Variants in ADORA2B observed in about 807,000 individuals in gnomAD.
The protein encoded by ADORA2B is adenosine A2b receptor, also known as adenosine receptor A2b.
In ADORA2B, 18 loss-of-function variants were observed where a neutral mutation model predicts 20.8. The ratio of observed to expected loss-of-function variants is 0.87; its 90% confidence interval spans 0.60 to 1.29. ADORA2B has a LOEUF of 1.29. ADORA2B is among the 50% of genes most tolerant of loss of function. The pLI, the probability that ADORA2B is intolerant of heterozygous loss-of-function variation, is 0.00. For synonymous variants in ADORA2B, 179 were observed against 178.3 expected (o/e 1.00, Z -0.03); for missense variants, 441 against 422.7 (o/e 1.04, Z -0.38).
the ADORA2B span, among the ~76,000 whole-genome samples, chr17:15,926,864 A>C: frequency 6.6e-6 from 1 of 152,148 alleles, no homozygotes; most frequent in Admixed American, 6.6e-5. Context: ...TCAGCTACTC[A>C]GGAGGCCAAG....
chr17:15,966,271 C>T (rs966619051), intron 1 of ADORA2B, among the ~76,000 whole-genome samples: 2 of 152,238 alleles, frequency 1.3e-5, no homozygotes, highest in African/African-American at 4.8e-5. Context: ...ATCTGCATTT[C>T]TAAAGTGCTT....
At chr17:15,887,882 C>G in the ADORA2B span, among the ~76,000 whole-genome samples, 1 of 99,730 alleles carries the variant, frequency 1.0e-5, no homozygotes, top group Non-Finnish European at 1.9e-5. Context: ...ACCCGGGAGG[C>G]GGAGCTTGCA....
rs1400571935 is a variant in ADORA2B, at chr17:15,975,422, A to G, written c.*80A>G. On this transcript the variant is annotated 3_prime_UTR_variant, in exon 2 of 2. Transcript: ENST00000304222. ...ACACGGCTGGTTTTCATTGTGAAAG[A>G]TAGCTACACCTCACAAGGAAATGGA... 7.0e-7 allele frequency: 1 copy of G among 1,431,388 alleles called. No individual in the cohort carries two copies. Among genetic ancestry groups the G allele is most frequent in the African/African-American group, 1.4e-5 (1 of 70,566 alleles). The allele number at this position is 1,431,388 out of a possible 1,614,324, so 88.7% of individuals were successfully genotyped here.
In ADORA2B at chr17:15,963,884, A is replaced by C. The variant is rs537946335; in HGVS notation, c.336-10795A>C. Among the ~76,000 whole-genome samples the C allele has an allele frequency of 2.0e-5, 3 of 152,326 alleles. No homozygotes were observed. In the East Asian group the frequency reaches 5.8e-4, roughly 29 times the overall value. ...TGGCATCTCTCCCAGCCACCTTCAC[A>C]TAAGACAGTGGGCTCAGCTCAGGCC... On this transcript the variant is annotated intron_variant, in intron 1 of 1. Transcript: ENST00000304222.
intron 1 of ADORA2B, among the ~76,000 whole-genome samples, chr17:15,959,897 G>T (rs1567780567): frequency 6.6e-6 from 1 of 152,146 alleles, no homozygotes; most frequent in Non-Finnish European, 1.5e-5. Context: ...AAAAATCCAG[G>T]TTCTATTAAA....
intron 1 of ADORA2B, among the ~76,000 whole-genome samples, chr17:15,947,056 G>T (rs566233905): frequency 9.2e-5 from 14 of 152,274 alleles, no homozygotes; most frequent in South Asian, 4.1e-4. Flanking sequence ...AGGGCTGTGA[G>T]CCTTATGTGG....
At chr17:15,854,332 C>T in the ADORA2B span, among the ~76,000 whole-genome samples, 1 of 152,046 alleles carries the variant, frequency 6.6e-6, no homozygotes, top group South Asian at 2.1e-4. Context: ...CTGAAACCAA[C>T]CACAGTTAAT....
At chr17:15,895,281 G>A in the ADORA2B span, among the ~76,000 whole-genome samples, 3 of 152,020 alleles carry the variant, frequency 2.0e-5, no homozygotes, top group Non-Finnish European at 2.9e-5. Context: ...CATGCCTATC[G>A]AATTTGACAC....
the ADORA2B span, among the ~76,000 whole-genome samples, chr17:15,937,136 A>C: frequency 1.3e-5 from 2 of 152,212 alleles, no homozygotes; most frequent in African/African-American, 4.8e-5. Flanking sequence ...CACAACATTT[A>C]AAATAATACA....
chr17:15,918,154 T>C, the ADORA2B span, among the ~76,000 whole-genome samples: 2 of 152,162 alleles, frequency 1.3e-5, no homozygotes, highest in Non-Finnish European at 2.9e-5. Flanking sequence ...GTGTCCTCAC[T>C]TGGACAGAGG....
At chr17:15,907,267 T>A in the ADORA2B span, among the ~76,000 whole-genome samples, 19 of 152,266 alleles carry the variant, frequency 1.2e-4, no homozygotes, top group African/African-American at 4.6e-4. Context: ...TTCACTCCTT[T>A]CCCACACCTT....
the ADORA2B span, among the ~76,000 whole-genome samples, chr17:15,874,924 CA>C: frequency 6.6e-6 from 1 of 152,106 alleles, no homozygotes; most frequent in Non-Finnish European, 1.5e-5. Flanking sequence ...TACACATTCC[CA>C]ATACTGGATA....
At position 15,956,905 on chromosome 17, in the gene ADORA2B, G is replaced by A. The variant is rs8074961; in HGVS notation, c.335+11322G>A. Among the ~76,000 whole-genome samples, 1,208 of 152,200 alleles carry A rather than the reference G, an allele frequency of 7.9e-3. 15 individuals are homozygous for A. Among genetic ancestry groups the A allele is most frequent in the African/African-American group, 0.028 (1,159 of 41,532 alleles). ...ATGAGCCACCGCACCCGGCCTGTGT[G>A]TCTTTACTGTCATTAAAATGTGATT... On this transcript the variant is annotated intron_variant, in intron 1 of 1. Transcript: ENST00000304222.
the ADORA2B span, among the ~76,000 whole-genome samples, chr17:15,892,520 G>T: frequency 6.6e-6 from 1 of 152,118 alleles, no homozygotes; most frequent in African/African-American, 2.4e-5. Flanking sequence ...GACCTCAAGT[G>T]ATCCGACTGA....
the ADORA2B span, among the ~76,000 whole-genome samples, chr17:15,861,482 T>C: frequency 5.3e-5 from 8 of 152,224 alleles, no homozygotes; most frequent in African/African-American, 1.9e-4. Context: ...TGCTTTATTT[T>C]GATAAAGCAC....
In ADORA2B at chr17:15,975,163, A is replaced by T; in HGVS notation, c.820A>T (p.Met274Leu). ...AAATAAGCCCAAGTGGGCAATGAAT[A>T]TGGCCATTCTTCTGTCACATGCCAA... is the stretch of plus-strand genomic sequence containing the variant. ...GKNKPKWAMN[M>L]AILLSHANSV... Residue 274 changes from methionine to leucine, a missense_variant, in exon 2 of 2, where the codon ATG (methionine) becomes TTG (leucine). Met to Leu is a conservative substitution (Grantham distance 15). Coordinates refer to ENST00000304222, the MANE Select transcript of ADORA2B (RefSeq NM_000676.4). The T allele has an allele frequency of 1.2e-6, 2 of 1,614,174 alleles. No homozygotes were observed. Among genetic ancestry groups the T allele is most frequent in the Non-Finnish European group, 1.7e-6 (2 of 1,180,034 alleles).
the ADORA2B span, among the ~76,000 whole-genome samples, chr17:15,856,601 TG>T: frequency 1.3e-5 from 2 of 152,206 alleles, no homozygotes; most frequent in African/African-American, 4.8e-5. Flanking sequence ...ATTTGTTGAA[TG>T]GTTTTGACCA....
At chr17:15,887,761 C>G in the ADORA2B span, among the ~76,000 whole-genome samples, 3 of 124,428 alleles carry the variant, frequency 2.4e-5, 1 homozygote, top group Non-Finnish European at 5.0e-5. Flanking sequence ...TCCTGGCTAA[C>G]ACGGTGAAAC....
the ADORA2B span, among the ~76,000 whole-genome samples, chr17:15,873,265 A>T: frequency 0.081 from 12,399 of 152,250 alleles, 1,418 homozygotes; most frequent in African/African-American, 0.25. Context: ...CAAAGACTTA[A>T]ATATAAGACT....
Sources: allele counts gnomAD v4.1 joint callset (sites outside exome capture counted in the v4.1 genomes callset), GRCh38; gene constraint gnomAD v4.1.1; transcripts MANE v1.5; gene names NCBI Gene and HGNC (gene_info 2026-07-23, HGNC 2026-07-21).